TRAPPC9: variants seen among roughly 807,000 people sequenced by gnomAD.
The protein encoded by TRAPPC9 is IKK2 binding protein.
TRAPPC9 carries 83 observed loss-of-function variants against 124.0 expected under a neutral mutation model. The ratio of observed to expected loss-of-function variants is 0.67; its 90% CI spans 0.56 to 0.80. TRAPPC9 has a LOEUF of 0.80. Among genes scored for constraint, TRAPPC9 ranks in the 30% least tolerant of loss-of-function variants. The pLI, the probability that TRAPPC9 is intolerant of heterozygous loss-of-function variation, is 0.00. For missense variants in TRAPPC9, 1,302 were observed against 1,508.3 expected (o/e 0.86, Z 2.27); for synonymous variants, 638 against 617.5 (o/e 1.03, Z -0.49).
At chr8:140,302,441 C>T (rs1327177034) in intron 10 of TRAPPC9, among the ~76,000 whole-genome samples, 3 of 152,166 alleles carry the variant, frequency 2.0e-5, no homozygotes, top group African/African-American at 2.4e-5. Context: ...TCTGTAGCTG[C>T]AGAACTAATA....
chr8:140,376,008 C>T (rs772790838), intron 7 of TRAPPC9, among the ~76,000 whole-genome samples: 3 of 152,198 alleles, frequency 2.0e-5, no homozygotes, highest in Non-Finnish European at 2.9e-5. Flanking sequence ...CAAAATTATA[C>T]AAACTTTCCA....
chr8:140,378,180 T>C (rs1474232291), intron 7 of TRAPPC9, among the ~76,000 whole-genome samples: 1 of 152,104 alleles, frequency 6.6e-6, no homozygotes, highest in Non-Finnish European at 1.5e-5. Context: ...AACTAAACCC[T>C]CTTTGGATTG....
chr8:140,434,900 G>T (rs1307490939), intron 4 of TRAPPC9, among the ~76,000 whole-genome samples: 1 of 151,944 alleles, frequency 6.6e-6, no homozygotes, highest in Non-Finnish European at 1.5e-5. Flanking sequence ...AACCTGGGAG[G>T]TGGAGGCTGT....
chr8:140,146,968 A>G (rs944161625), intron 17 of TRAPPC9, among the ~76,000 whole-genome samples: 2 of 152,260 alleles, frequency 1.3e-5, no homozygotes, highest in African/African-American at 4.8e-5. Context: ...CACGCACTCA[A>G]TAAAGATTCA....
intron 17 of TRAPPC9, among the ~76,000 whole-genome samples, chr8:140,092,157 C>G (rs537848242): frequency 9.4e-4 from 141 of 149,526 alleles, no homozygotes; most frequent in African/African-American, 3.4e-3. Context: ...TAATAAAAGA[C>G]ATTATTTAAT....
At chr8:139,782,727 C>T (rs562024030) in intron 21 of TRAPPC9, among the ~76,000 whole-genome samples, 1 of 152,254 alleles carries the variant, frequency 6.6e-6, no homozygotes, top group East Asian at 1.9e-4. Context: ...TCAATATTTA[C>T]AGAACATCCT....
At chr8:139,731,260 G>C (rs756019653) in intron 22 of TRAPPC9, 32 bp from the exon 23 acceptor site, 1 of 1,610,612 alleles carries the variant, frequency 6.2e-7, no homozygotes. Context: ...ACATCAGTCT[G>C]GTCAGCAGCA....
Position 139,872,073 on chromosome 8 carries a change from T to C in TRAPPC9, c.3055+13806A>G, listed in dbSNP as rs376112088. 7.1e-4 allele frequency among the ~76,000 whole-genome samples: 108 copies of C among 151,296 alleles called. 1 individual carries two copies. The highest frequency in any genetic ancestry group is 2.3e-3 in the African/African-American group (95 of 41,162). ...ATGGATGAGTGGGCTGGTAGATGGG[T>C]TGGTGGGTAAATGGTTGGATGAGTG... On this transcript the variant is annotated intron_variant, in intron 21 of 22. Transcript: ENST00000438773.
intron 17 of TRAPPC9, among the ~76,000 whole-genome samples, chr8:140,214,567 G>A (rs552058283): frequency 2.0e-5 from 3 of 152,282 alleles, no homozygotes; most frequent in East Asian, 3.9e-4. Context: ...TCCCCTGCCA[G>A]GCTCTTTTAT....
At chr8:140,435,084 C>G in intron 4 of TRAPPC9, 28 bp downstream of exon 4, 1 of 1,613,992 alleles carries the variant, frequency 6.2e-7, no homozygotes, top group Non-Finnish European at 8.5e-7. Context: ...TGCAAGTGAG[C>G]AGAGGCCGGA....
At chr8:139,914,422 G>T (rs917581157) in intron 19 of TRAPPC9, among the ~76,000 whole-genome samples, 1 of 152,258 alleles carries the variant, frequency 6.6e-6, no homozygotes, top group Admixed American at 6.5e-5. Context: ...GGCGGAAGGC[G>T]CTGAGGTGTA....
At chr8:140,313,497 CCATTT>C (rs2066360347) in intron 9 of TRAPPC9, among the ~76,000 whole-genome samples, 1 of 152,172 alleles carries the variant, frequency 6.6e-6, no homozygotes, top group South Asian at 2.1e-4. Flanking sequence ...TCTGGCTGTG[CCATTT>C]CATTAGAGAA....
chr8:140,436,331 G>A lies in TRAPPC9; in HGVS notation c.731-1091C>T, dbSNP rs568237671. Among the ~76,000 whole-genome samples, 3 of 152,270 alleles carry A rather than the reference G, an allele frequency of 2.0e-5. No homozygotes were observed. In the East Asian group the frequency reaches 5.8e-4, roughly 29 times the overall value. ...ATTGCACTCCAGCCTGGGCGACAGA[G>A]TGAGACTGACTCAAAAAAATAAAAA... On this transcript the variant is annotated intron_variant, in intron 3 of 22. Transcript: ENST00000438773.
In TRAPPC9 at chr8:139,872,015, G is replaced by C. The variant is rs528726695; in HGVS notation, c.3055+13864C>G. On this transcript the variant is annotated intron_variant, in intron 21 of 22. Coordinates refer to ENST00000438773, the MANE Select transcript of TRAPPC9 (RefSeq NM_001160372.4). ...AAATGAGTGGGCTGGTAGATGGGTT[G>C]GTGGGTAAATGGTTGGATAAGTGGA... Among the ~76,000 whole-genome samples the C allele has an allele frequency of 2.0e-5, 3 of 152,262 alleles. No homozygotes were observed. In the East Asian group the frequency reaches 5.8e-4, roughly 29 times the overall value.
chr8:140,396,065 T>C (rs1411205208), intron 7 of TRAPPC9, among the ~76,000 whole-genome samples: 1 of 151,092 alleles, frequency 6.6e-6, no homozygotes, highest in East Asian at 2.0e-4. Flanking sequence ...GCCTCTGCAA[T>C]GGGCCCCCTC....
At chr8:140,003,861 T>C (rs543227840) in intron 18 of TRAPPC9, among the ~76,000 whole-genome samples, 18 of 152,168 alleles carry the variant, frequency 1.2e-4, no homozygotes, top group South Asian at 4.1e-4. Context: ...AACTAGAGAA[T>C]TGAAAACTTA....
chr8:140,404,748 ATG>A (rs1023438782), intron 6 of TRAPPC9, among the ~76,000 whole-genome samples: 40 of 149,746 alleles, frequency 2.7e-4, no homozygotes, highest in Admixed American at 9.3e-4. Flanking sequence ...ACGCGTGAGC[ATG>A]TGTGTACGTG....
intron 18 of TRAPPC9, among the ~76,000 whole-genome samples, chr8:140,021,531 T>C (rs1332086531): frequency 6.6e-6 from 1 of 152,250 alleles, no homozygotes; most frequent in Non-Finnish European, 1.5e-5. Flanking sequence ...TTCACTTATT[T>C]ACTATTTATT....
At chr8:140,016,739 C>T (rs544986302) in intron 18 of TRAPPC9, among the ~76,000 whole-genome samples, 2 of 152,216 alleles carry the variant, frequency 1.3e-5, no homozygotes, top group South Asian at 2.1e-4. Flanking sequence ...AGGAATAAAG[C>T]TGTTACGAAA....
Sources: gnomAD v4.1 joint callset for allele counts (sites outside exome capture counted in the v4.1 genomes callset) on GRCh38, gnomAD v4.1.1 for gene constraint, MANE v1.5 for transcripts, NCBI Gene and HGNC (gene_info 2026-07-23, HGNC 2026-07-21) for gene names.